YES1: variants seen among roughly 807,000 people sequenced by gnomAD.
The protein encoded by YES1 is tyrosine-protein kinase Yes.
A neutral mutation model predicts 70.4 loss-of-function variants in YES1; 39 were observed. The ratio of observed to expected loss-of-function variants is 0.55; its 90% CI spans 0.43 to 0.72. The LOEUF (loss-of-function observed/expected upper bound fraction) is 0.72. Ranked by LOEUF, YES1 falls within the 30% of genes least tolerant of loss-of-function variation. The probability of loss-of-function intolerance (pLI) is 0.00; values close to 1 mark genes in which losing one functional copy is unlikely to be tolerated. For synonymous variants in YES1, 198 were observed against 218.6 expected (o/e 0.91, Z 0.83); for missense variants, 495 against 644.8 (o/e 0.77, Z 2.52).
chr18:795,836 G>A (rs916168781), intron 1 of YES1, among the ~76,000 whole-genome samples: 1 of 151,512 alleles, frequency 6.6e-6, no homozygotes, highest in African/African-American at 2.4e-5. Flanking sequence ...CGGGTTGATA[G>A]GTGAAGCAAA....
rs557553749 is a variant in YES1 at position 724,223 on chromosome 18, C to T, written c.*201G>A. 18 of 567,470 alleles carry T rather than the reference C, an allele frequency of 3.2e-5. No homozygotes were observed. The highest frequency in any genetic ancestry group is 1.4e-4 in the South Asian group (6 of 44,328). The allele number at this position is 567,470 out of a possible 1,614,324, so 35.2% of individuals were successfully genotyped here. A position where few individuals can be genotyped will look rare whatever the true frequency, so the allele number is the denominator to read the frequency against. ...TCTATTTTGTTTGGACCCTGAAATA[C>T]GCTGATAAATTCATCATTGGTACAT... On this transcript the variant is annotated 3_prime_UTR_variant, in exon 12 of 12. Transcript: ENST00000314574.
At chr18:747,798 A>G in intron 4 of YES1, 122 bp downstream of exon 4, 1 of 773,040 alleles carries the variant, frequency 1.3e-6, no homozygotes, top group Admixed American at 2.4e-5. Context: ...TATTAATATG[A>G]TACATAAGCT....
At chr18:755,363 C>T (rs1328425002) in intron 2 of YES1, among the ~76,000 whole-genome samples, 1 of 152,044 alleles carries the variant, frequency 6.6e-6, no homozygotes, top group African/African-American at 2.4e-5. Context: ...CTACTCGTGC[C>T]TCAGCCTCCC....
At chr18:750,367 TCA>T (rs1226213860) in intron 3 of YES1, among the ~76,000 whole-genome samples, 1 of 152,194 alleles carries the variant, frequency 6.6e-6, no homozygotes, top group East Asian at 1.9e-4. Flanking sequence ...TTCAAGGAAT[TCA>T]CAGTCTAGAG....
chr18:731,043 T>C, intron 11 of YES1, among the ~76,000 whole-genome samples: 1 of 152,132 alleles, frequency 6.6e-6, no homozygotes. Flanking sequence ...CAGGAAAAGG[T>C]GGCAGAAACA....
rs146191790 is a variant in YES1 at position 745,149 on chromosome 18, T to C, written c.724+559A>G. ...ATGTAAAGACTTTCAGGTGCATTCA[T>C]ATGCCAAATTGGTAATGAAAAATTT... On this transcript the variant is annotated intron_variant, in intron 6 of 11. Coordinates refer to ENST00000314574, the MANE Select transcript of YES1 (RefSeq NM_005433.4). Among the ~76,000 whole-genome samples, 310 of 152,282 alleles carry C rather than the reference T, an allele frequency of 2.0e-3. 1 individual carries two copies. Among genetic ancestry groups the C allele is most frequent in the African/African-American group, 7.1e-3 (294 of 41,570 alleles).
chr18:787,080 C>CTTTTTTTTTTTTTTT lies in YES1; in HGVS notation c.-9+25019_-9+25033dup, dbSNP rs71174290. Among the ~76,000 whole-genome samples the CTTTTTTTTTTTTTTT allele has an allele frequency of 5.8e-5, 2 of 34,754 alleles. 1 individual carries two copies. The highest frequency in any genetic ancestry group is 2.3e-4 in the African/African-American group (2 of 8,802). The allele number at this position is 34,754 out of a possible 152,430, so 22.8% of individuals were successfully genotyped here. ...TTTAAAAAACTGTGATACATACTGTCTTTTTTTTTTTTTTTTTTTTTTTTT... is the reference window on the plus strand; with the variant it reads ...TTTAAAAAACTGTGATACATACTGTCTTTTTTTTTTTTTTTTTTTTTTTTTTTTTTTTTTTTTTTT... On this transcript the variant is annotated intron_variant, in intron 1 of 11. Coordinates refer to ENST00000314574, the MANE Select transcript of YES1 (RefSeq NM_005433.4).
chr18:731,506 A>G (rs961883223), intron 11 of YES1, among the ~76,000 whole-genome samples: 13 of 152,226 alleles, frequency 8.5e-5, no homozygotes, highest in African/African-American at 9.6e-5. Flanking sequence ...TGCAAAACCC[A>G]TAAGATTAGC....
At chr18:781,297 T>G (rs1459242045) in intron 1 of YES1, among the ~76,000 whole-genome samples, 1 of 147,238 alleles carries the variant, frequency 6.8e-6, no homozygotes, top group Non-Finnish European at 1.5e-5. Context: ...TAAGAGGGCC[T>G]TGTATGATTT....
rs903168959 is a variant in YES1, at chr18:734,398, C to CAA, written c.1292-1435_1292-1434dup. Among the ~76,000 whole-genome samples, 73 of 134,184 alleles carry CAA rather than the reference C, an allele frequency of 5.4e-4. 1 individual carries two copies. Among genetic ancestry groups the CAA allele is most frequent in the African/African-American group, 1.6e-3 (56 of 35,816 alleles). 88.0% of individuals were successfully genotyped at this position (134,184 alleles called of 152,430 possible). On this transcript the variant is annotated intron_variant, in intron 10 of 11. Transcript: ENST00000314574. Reference sequence around the variant, plus strand: ...TAAAACCCCGTCACTACTAAAAATACAAAAAAAAAAATTAGCCGAGCTTGG... The same window carrying CAA: ...TAAAACCCCGTCACTACTAAAAATACAAAAAAAAAAAAATTAGCCGAGCTTGG...
intron 1 of YES1, among the ~76,000 whole-genome samples, chr18:758,621 T>C (rs527807220): frequency 6.6e-6 from 1 of 152,342 alleles, no homozygotes; most frequent in South Asian, 2.1e-4. Flanking sequence ...CAAATGTTAC[T>C]TTTCCATTCA....
At chr18:741,151 G>C (rs1213726845) in intron 8 of YES1, among the ~76,000 whole-genome samples, 1 of 152,148 alleles carries the variant, frequency 6.6e-6, no homozygotes, top group Non-Finnish European at 1.5e-5. Flanking sequence ...GCCTGCCTCG[G>C]CCTCCCAAAG....
chr18:759,746 G>C (rs970782737), intron 1 of YES1, among the ~76,000 whole-genome samples: 1 of 151,686 alleles, frequency 6.6e-6, no homozygotes, highest in Non-Finnish European at 1.5e-5. Context: ...AAGGTTGTAG[G>C]GTACATGTGC....
At chr18:777,801 T>C (rs1473926742) in intron 1 of YES1, among the ~76,000 whole-genome samples, 2 of 139,732 alleles carry the variant, frequency 1.4e-5, no homozygotes, top group African/African-American at 2.7e-5. Flanking sequence ...AGTGAGACTC[T>C]GGCTTAAAAA....
chr18:731,742 C>T (rs1181684416), intron 11 of YES1, among the ~76,000 whole-genome samples: 27 of 151,048 alleles, frequency 1.8e-4, no homozygotes, highest in African/African-American at 4.6e-4. Context: ...CCGAGGCGGG[C>T]AGATCACAAG....
rs770042876 is a variant in YES1, at chr18:736,944, T to A, written c.1155A>T (p.Ala385=). 13 of 1,607,792 alleles carry A rather than the reference T, an allele frequency of 8.1e-6. No homozygotes were observed. The highest frequency in any genetic ancestry group is 1.1e-5 in the South Asian group (1 of 90,306). ...GAATATAGTTCATTCTTTCAATATA[T>A]GCCATACCATCAGCAATCTTGGAAA... ...DMAAQIADGM[A]YIERMNYIHR... is the part of the protein sequence containing the mutation. The change falls in exon 10 of 12, where the codon GCA becomes GCT. Residue 385 remains alanine (A), a synonymous_variant. Coordinates refer to ENST00000314574, the MANE Select transcript of YES1 (RefSeq NM_005433.4).
rs891647520 is a variant in YES1, at chr18:781,230, T to C, written c.-8-24395A>G. 6.1e-5 allele frequency among the ~76,000 whole-genome samples: 9 copies of C among 147,824 alleles called. No individual in the cohort carries two copies. The South Asian group carries it at 6.4e-4, about 11-fold the overall frequency. ...GTTGCAGTGAGCCGAGATCGCGCCATTGCACTGCAGCCTGGGGGACGAGAG... is the reference window on the plus strand; with the variant it reads ...GTTGCAGTGAGCCGAGATCGCGCCACTGCACTGCAGCCTGGGGGACGAGAG... On this transcript the variant is annotated intron_variant, in intron 1 of 11. Coordinates refer to ENST00000314574, the MANE Select transcript of YES1 (RefSeq NM_005433.4).
chr18:800,316 T>C (rs1233674847), intron 1 of YES1, among the ~76,000 whole-genome samples: 1 of 152,256 alleles, frequency 6.6e-6, no homozygotes, highest in Non-Finnish European at 1.5e-5. Context: ...TCTATGTGCT[T>C]GGAACAACTT....
chr18:781,559 G>A (rs1024144112), intron 1 of YES1, among the ~76,000 whole-genome samples: 1 of 152,056 alleles, frequency 6.6e-6, no homozygotes, highest in African/African-American at 2.4e-5. Context: ...ATCCTTCTCT[G>A]AGCTACAAAC....
Sources: gnomAD v4.1 joint callset for allele counts (sites outside exome capture counted in the v4.1 genomes callset) on GRCh38, gnomAD v4.1.1 for gene constraint, MANE v1.5 for transcripts, NCBI Gene and HGNC (gene_info 2026-07-23, HGNC 2026-07-21) for gene names.